The following ATP8A2 variants were observed in gnomAD, a reference collection of about 807,000 sequenced individuals.
ATP8A2 encodes the protein phospholipid-transporting ATPase IB.
In ATP8A2, 100 loss-of-function variants were observed where a neutral mutation model predicts 165.6. The observed-to-expected ratio is 0.60, with a 90% CI of 0.51 to 0.71. ATP8A2 has a LOEUF of 0.71. Among genes scored for constraint, ATP8A2 ranks in the 30% least tolerant of loss-of-function variants. The probability of loss-of-function intolerance (pLI) is 0.00; values close to 1 mark genes in which losing one functional copy is unlikely to be tolerated. For missense variants in ATP8A2, 1,227 were observed against 1,479.5 expected (o/e 0.83, Z 2.80); for synonymous variants, 543 against 548.8 (o/e 0.99, Z 0.15).
chr13:25,474,734 T>C (rs561806925), intron 2 of ATP8A2, among the ~76,000 whole-genome samples: 3 of 150,778 alleles, frequency 2.0e-5, no homozygotes, highest in African/African-American at 7.5e-5. Flanking sequence ...GTTCGGGATA[T>C]GTGTGCAGGT....
At chr13:25,667,722 T>C (rs1213315502) in intron 24 of ATP8A2, among the ~76,000 whole-genome samples, 2 of 152,176 alleles carry the variant, frequency 1.3e-5, no homozygotes, top group East Asian at 3.9e-4. Flanking sequence ...GTGTAACCTT[T>C]TATGCCTGGC....
intron 24 of ATP8A2, among the ~76,000 whole-genome samples, chr13:25,607,555 C>T (rs2040550044): frequency 6.6e-6 from 1 of 152,196 alleles, no homozygotes; most frequent in Non-Finnish European, 1.5e-5. Context: ...AGTTGCAACA[C>T]AAACCGCATG....
At chr13:25,688,311 G>A (rs898270887) in intron 24 of ATP8A2, among the ~76,000 whole-genome samples, 1 of 152,094 alleles carries the variant, frequency 6.6e-6, no homozygotes, top group African/African-American at 2.4e-5. Context: ...AGAATGGTGA[G>A]GAGAGCCCCA....
At chr13:25,507,078 T>C (rs1252926752) in intron 2 of ATP8A2, among the ~76,000 whole-genome samples, 4 of 151,562 alleles carry the variant, frequency 2.6e-5, no homozygotes, top group South Asian at 2.1e-4. Flanking sequence ...GAGGGAGATA[T>C]TACCTTACCA....
chr13:25,953,545 A>AAAAAAAAAACAAC lies in ATP8A2; in HGVS notation c.3184-8029_3184-8028insAAAAAAAACAACA, dbSNP rs1566299785. 4.9e-5 allele frequency among the ~76,000 whole-genome samples: 6 copies of AAAAAAAAAACAAC among 122,766 alleles called. No homozygotes were observed. Among genetic ancestry groups the AAAAAAAAAACAAC allele is most frequent in the African/African-American group, 1.8e-4 (5 of 27,712 alleles). 80.5% of individuals were successfully genotyped at this position (122,766 alleles called of 152,430 possible). On this transcript the variant is annotated intron_variant, in intron 33 of 36. Coordinates refer to ENST00000381655, the MANE Select transcript of ATP8A2 (RefSeq NM_016529.6). The surrounding 1 kb of genome is among the most constrained non-coding windows in gnomAD (Gnocchi z 6.7). Reference sequence around the variant, plus strand: ...TTTAAAAAAAAAAAAAAAAAAAAAAAAGCAAGGGAAATAGGCAAGACGGCC... The same window carrying AAAAAAAAAACAAC: ...TTTAAAAAAAAAAAAAAAAAAAAAAAAAAAAAAAACAACAGCAAGGGAAATAGGCAAGACGGCC...
Position 25,929,192 on chromosome 13 carries a change from A to G in ATP8A2, c.3184-32383A>G, listed in dbSNP as rs571814440. 2.6e-3 allele frequency among the ~76,000 whole-genome samples: 395 copies of G among 152,264 alleles called. 2 individuals are homozygous for G. The highest frequency in any genetic ancestry group is 9.2e-3 in the African/African-American group (382 of 41,548). On this transcript the variant is annotated intron_variant, in intron 33 of 36. Coordinates refer to ENST00000381655, the MANE Select transcript of ATP8A2 (RefSeq NM_016529.6). ...GCCTCCATCGTAAATGTGCGTGACC[A>G]TGTGAGCCAGAGTGGGCTGGAGAGC...
chr13:25,782,631 A>C (rs1288959827), intron 27 of ATP8A2, among the ~76,000 whole-genome samples: 1 of 152,226 alleles, frequency 6.6e-6, no homozygotes, highest in Non-Finnish European at 1.5e-5. Flanking sequence ...ATTTGCATAT[A>C]ATCTATGCAC....
Position 25,553,792 on chromosome 13 carries a change from G to A in ATP8A2, c.1058-1G>A. 1 of 1,611,688 alleles carries A rather than the reference G, an allele frequency of 6.2e-7. No individual in the cohort carries two copies. Among genetic ancestry groups the A allele is most frequent in the Non-Finnish European group, 8.5e-7 (1 of 1,179,172 alleles). On this transcript the variant is annotated splice_acceptor_variant, in intron 11 of 36. Transcript: ENST00000381655. LOFTEE classifies it high-confidence loss of function. ...TCAGATACTCTGGTTTCCTTCCACA[G>A]ACACCACCTCAGATAATTTTGGATA...
At position 25,594,487 on chromosome 13, in the gene ATP8A2, C is replaced by A. The variant is rs577445206; in HGVS notation, c.2211+4788C>A. ...TGGTATTTGGTTACATGAGTCAGTT[C>A]TTTAGCGGTGGTTCGTGAGATTTTG... On this transcript the variant is annotated intron_variant, in intron 24 of 36. Transcript: ENST00000381655. Among the ~76,000 whole-genome samples, 4 of 152,174 alleles carry A rather than the reference C, an allele frequency of 2.6e-5. No individual in the cohort carries two copies. In the South Asian group the frequency reaches 6.2e-4, roughly 24 times the overall value.
intron 25 of ATP8A2, among the ~76,000 whole-genome samples, chr13:25,731,197 G>GAGAGAAAGAGAGAA (rs2043619996): frequency 6.8e-6 from 1 of 147,974 alleles, no homozygotes; most frequent in Non-Finnish European, 1.5e-5. Flanking sequence ...ACCGGAAGGA[G>GAGAGAAAGAGAGAA]AGAGAAAGAG....
intron 25 of ATP8A2, among the ~76,000 whole-genome samples, chr13:25,716,167 A>G (rs2043250761): frequency 1.3e-5 from 2 of 152,190 alleles, no homozygotes; most frequent in African/African-American, 4.8e-5. Context: ...CCGTTTTTAA[A>G]TTGGGTTGCT....
chr13:25,860,383 A>T, intron 31 of ATP8A2, 127 bp downstream of exon 31: 1 of 579,272 alleles, frequency 1.7e-6, no homozygotes, highest in South Asian at 2.7e-5. Flanking sequence ...TGTATTTTAT[A>T]TATCCTTCAA....
intron 1 of ATP8A2, among the ~76,000 whole-genome samples, chr13:25,384,951 C>T (rs1239004255): frequency 2.6e-5 from 4 of 152,156 alleles, no homozygotes; most frequent in Admixed American, 6.5e-5. Context: ...GGACATGCCC[C>T]GGGTTGGGCT....
intron 24 of ATP8A2, among the ~76,000 whole-genome samples, chr13:25,590,339 T>A (rs1212397359): frequency 1.3e-5 from 2 of 152,100 alleles, no homozygotes; most frequent in African/African-American, 4.8e-5. Flanking sequence ...GCTGGAGAAT[T>A]GATTGAGCCT....
At chr13:25,431,849 C>T (rs1451684443) in intron 1 of ATP8A2, among the ~76,000 whole-genome samples, 1 of 152,078 alleles carries the variant, frequency 6.6e-6, no homozygotes. Context: ...GAACATTTTC[C>T]TCACCCCTCA....
intron 33 of ATP8A2, among the ~76,000 whole-genome samples, chr13:25,948,830 G>A (rs892527994): frequency 1.3e-5 from 2 of 152,272 alleles, no homozygotes; most frequent in East Asian, 3.9e-4. Flanking sequence ...CCAACCTCCA[G>A]GACTGCAAGC....
At chr13:25,410,027 T>C (rs1047374389) in intron 1 of ATP8A2, among the ~76,000 whole-genome samples, 1 of 151,310 alleles carries the variant, frequency 6.6e-6, no homozygotes, top group Non-Finnish European at 1.5e-5. Context: ...CAGAAAATCA[T>C]TCTCCTAATG....
chr13:25,659,581 A>G (rs1316884240), intron 24 of ATP8A2, among the ~76,000 whole-genome samples: 3 of 152,246 alleles, frequency 2.0e-5, no homozygotes. Context: ...GATGTAAGGC[A>G]AATAAGTGGG....
At chr13:25,817,350 T>TG (rs71741165) in intron 27 of ATP8A2, among the ~76,000 whole-genome samples, 6,250 of 105,178 alleles carry the variant, frequency 0.059, 163 homozygotes, top group Non-Finnish European at 0.087. Flanking sequence ...TGGTCTTTTA[T>TG]GGGGGGGGGG....
Sources: allele counts gnomAD v4.1 joint callset (sites outside exome capture counted in the v4.1 genomes callset), GRCh38; gene constraint gnomAD v4.1.1; non-coding constraint Gnocchi (gnomAD v3.1); transcripts MANE v1.5; gene names NCBI Gene and HGNC (gene_info 2026-07-23, HGNC 2026-07-21).